PARPBP: variants seen among roughly 807,000 people sequenced by gnomAD.
PARPBP encodes PARP1 binding protein, also known as PCNA-interacting partner.
Under a neutral mutation model 50.0 loss-of-function variants are expected in PARPBP, and 52 were observed. The observed-to-expected ratio is 1.04, with a 90% CI of 0.83 to 1.31. The LOEUF is 1.31. Among genes scored for constraint, PARPBP ranks in the 50% most tolerant of loss-of-function variants. The probability of loss-of-function intolerance (pLI) is 0.00; values close to 1 mark genes in which losing one functional copy is unlikely to be tolerated. For missense variants in PARPBP, 697 were observed against 672.0 expected (o/e 1.04, Z -0.41); for synonymous variants, 244 against 232.1 (o/e 1.05, Z -0.47).
intron 3 of PARPBP, 96 bp from the exon 4 acceptor site, chr12:102,153,773 C>G: frequency 1.5e-6 from 1 of 674,446 alleles, no homozygotes; most frequent in Admixed American, 2.3e-5. Context: ...GTAATACTCT[C>G]AACTGAAACA....
At position 102,196,028 on chromosome 12, in the gene PARPBP, G is replaced by A. The variant is rs768069699; in HGVS notation, c.1477G>A (p.Glu493Lys). 6 of 1,611,066 alleles carry A rather than the reference G, an allele frequency of 3.7e-6. No individual in the cohort carries two copies. Among genetic ancestry groups the A allele is most frequent in the Admixed American group, 3.4e-5 (2 of 59,642 alleles). Residue 493 changes from glutamate to lysine, a missense_variant, in exon 11 of 11, where the codon GAA becomes AAA. Glu to Lys is a moderately conservative substitution (Grantham distance 56, BLOSUM62 1). Coordinates refer to ENST00000327680, the MANE Select transcript of PARPBP (RefSeq NM_017915.5). ...TGTTCATCTGGACAGAAGTAAAAAT[G>A]AAAAAGTATCAAGAAAATCAACCAG... is the stretch of plus-strand genomic sequence containing the variant. Reference protein sequence around the residue: ...GNVHLDRSKNEKVSRKSTSQT... With the variant: ...GNVHLDRSKNKKVSRKSTSQT...
intron 9 of PARPBP, among the ~76,000 whole-genome samples, chr12:102,194,201 A>G (rs138409085): frequency 0.026 from 3,941 of 152,126 alleles, 147 homozygotes; most frequent in African/African-American, 0.078. Context: ...AACATATAAT[A>G]TATAACTACT....
chr12:102,127,580 G>C (rs1179753867), intron 2 of PARPBP, among the ~76,000 whole-genome samples: 2 of 151,834 alleles, frequency 1.3e-5, no homozygotes, highest in African/African-American at 4.8e-5. Flanking sequence ...TGATCATTTG[G>C]TATCTTTCTT....
chr12:102,124,949 A>G (rs1438286890), intron 2 of PARPBP, among the ~76,000 whole-genome samples: 1 of 152,220 alleles, frequency 6.6e-6, no homozygotes, highest in Non-Finnish European at 1.5e-5. Flanking sequence ...TACTATGATC[A>G]TCATTTTGAA....
At position 102,120,847 on chromosome 12, in the gene PARPBP, CT is replaced by C. The variant is rs3838805; in HGVS notation, c.-4+562del. 6.0e-4 allele frequency among the ~76,000 whole-genome samples: 92 copies of C among 152,256 alleles called. No individual in the cohort carries two copies. The East Asian group carries it at 0.017, about 28-fold the overall frequency. The stretch of plus-strand genomic sequence containing the variant: ...ATTAGAGATTTTAAATACCGAAGGA[CT>C]ACAGGTCATAAAGGGGGAGCCTGGA... On this transcript the variant is annotated intron_variant, in intron 1 of 10. Transcript: ENST00000327680.
At chr12:102,145,697 G>A (rs1272219641) in intron 2 of PARPBP, among the ~76,000 whole-genome samples, 6 of 152,060 alleles carry the variant, frequency 3.9e-5, no homozygotes, top group South Asian at 4.1e-4. Flanking sequence ...TTTATTTCTC[G>A]TGGGATAGAT....
At chr12:102,133,057 T>C (rs1228443196) in intron 2 of PARPBP, among the ~76,000 whole-genome samples, 2 of 152,148 alleles carry the variant, frequency 1.3e-5, no homozygotes, top group East Asian at 1.9e-4. Context: ...GGCGTCTTTA[T>C]GGTTTTCTGT....
chr12:102,193,959 A>G (rs572576939), intron 9 of PARPBP, among the ~76,000 whole-genome samples: 21 of 152,082 alleles, frequency 1.4e-4, no homozygotes, highest in Middle Eastern at 6.8e-3. Context: ...TAAAACTCCA[A>G]TTGTCTAATG....
At chr12:102,147,080 G>A (rs1378639624) in intron 2 of PARPBP, among the ~76,000 whole-genome samples, 1 of 152,192 alleles carries the variant, frequency 6.6e-6, no homozygotes, top group African/African-American at 2.4e-5. Context: ...ACGTGCTGGA[G>A]AGGATGTGGA....
Position 102,196,934 on chromosome 12 carries a change from G to A in PARPBP, c.*643G>A. The A allele has an allele frequency of 6.7e-7, 1 of 1,484,942 alleles. No homozygotes were observed. The highest frequency in any genetic ancestry group is 9.4e-7 in the Non-Finnish European group (1 of 1,065,746). The allele number at this position is 1,484,942 out of a possible 1,614,324, so 92.0% of individuals were successfully genotyped here. On this transcript the variant is annotated 3_prime_UTR_variant, in exon 11 of 11. Transcript: ENST00000327680. ...TTAACTCAGAGTTCTGTTTAATGGT[G>A]GTAGGATGTAAGAATTGAATTTTGA...
chr12:102,190,318 T>C lies in PARPBP; in HGVS notation c.1264-4994T>C, dbSNP rs547290003. On this transcript the variant is annotated intron_variant, in intron 9 of 10. Coordinates refer to ENST00000327680, the MANE Select transcript of PARPBP (RefSeq NM_017915.5). The stretch of plus-strand genomic sequence containing the variant: ...ATTCATTCAAAAAACAGTAAGTACC[T>C]CCTGGATACCAAGTTCAGTCCTAGG... 2.3e-4 allele frequency among the ~76,000 whole-genome samples: 35 copies of C among 152,144 alleles called. No homozygotes were observed. In the South Asian group the frequency reaches 5.8e-3, roughly 25 times the overall value.
At chr12:102,135,515 G>A (rs985082602) in intron 2 of PARPBP, among the ~76,000 whole-genome samples, 2 of 146,662 alleles carry the variant, frequency 1.4e-5, no homozygotes, top group Non-Finnish European at 3.0e-5. Context: ...ACTCCAGCCT[G>A]GGAGACAGAG....
At position 102,129,306 on chromosome 12, in the gene PARPBP, T is replaced by A. The variant is rs138076027; in HGVS notation, c.153+5265T>A. ...CCTGCTCTTTTGCCCATTTTTTTTT[T>A]AATGGGGTTGTTTTCTTATTGAGTT... On this transcript the variant is annotated intron_variant, in intron 2 of 10. Coordinates refer to ENST00000327680, the MANE Select transcript of PARPBP (RefSeq NM_017915.5). 2.1e-3 allele frequency among the ~76,000 whole-genome samples: 318 copies of A among 152,240 alleles called. 3 individuals are homozygous for A. The highest frequency in any genetic ancestry group is 7.0e-3 in the African/African-American group (289 of 41,552).
intron 9 of PARPBP, among the ~76,000 whole-genome samples, chr12:102,194,037 A>G (rs1178153371): frequency 6.6e-6 from 1 of 152,042 alleles, no homozygotes; most frequent in Admixed American, 6.6e-5. Context: ...AGACCTCATT[A>G]GTCAGAAAGA....
intron 9 of PARPBP, 77 bp downstream of exon 9, chr12:102,182,704 G>A: frequency 1.0e-6 from 1 of 958,670 alleles, no homozygotes; most frequent in Non-Finnish European, 1.6e-6. Context: ...AAGCTGAGCT[G>A]GGTATTGTAA....
chr12:102,155,581 C>T (rs1188248493), intron 4 of PARPBP, among the ~76,000 whole-genome samples: 2 of 59,352 alleles, frequency 3.4e-5, no homozygotes, highest in Non-Finnish European at 6.6e-5. Context: ...TCATCTATCG[C>T]CTGAGAGCAT....
At chr12:102,168,057 C>T (rs1177061460) in intron 6 of PARPBP, among the ~76,000 whole-genome samples, 1 of 152,150 alleles carries the variant, frequency 6.6e-6, no homozygotes, top group Non-Finnish European at 1.5e-5. Flanking sequence ...AGTTATGACT[C>T]AACCATCTGT....
intron 2 of PARPBP, among the ~76,000 whole-genome samples, chr12:102,138,161 C>A (rs1028941578): frequency 5.9e-5 from 9 of 152,178 alleles, no homozygotes; most frequent in Admixed American, 3.3e-4. Context: ...TCCTCTCCAG[C>A]ACCTTTTGTT....
At chr12:102,190,196 C>T (rs1158280493) in intron 9 of PARPBP, among the ~76,000 whole-genome samples, 1 of 152,038 alleles carries the variant, frequency 6.6e-6, no homozygotes, top group Non-Finnish European at 1.5e-5. Context: ...TTCTCTTTTT[C>T]CACCTCCAAA....
Sources: gnomAD v4.1 joint callset for allele counts (sites outside exome capture counted in the v4.1 genomes callset) on GRCh38, gnomAD v4.1.1 for gene constraint, MANE v1.5 for transcripts, NCBI Gene and HGNC (gene_info 2026-07-23, HGNC 2026-07-21) for gene names.